CCDC39: variants seen among roughly 807,000 people sequenced by gnomAD.
CCDC39 encodes coiled-coil domain-containing protein 39.
A neutral mutation model predicts 121.0 loss-of-function variants in CCDC39; 113 were observed. The ratio of observed to expected loss-of-function variants is 0.93; its 90% CI spans 0.80 to 1.09. CCDC39 has a LOEUF of 1.09. Among genes scored for constraint, CCDC39 ranks in the 50% least tolerant of loss-of-function variants. The probability of loss-of-function intolerance (pLI) is 0.00; values close to 1 mark genes in which losing one functional copy is unlikely to be tolerated. For missense variants in CCDC39, 1,063 were observed against 1,074.7 expected, an observed-to-expected ratio of 0.99 and a Z score of 0.15; for synonymous variants, 349 against 352.2, an observed-to-expected ratio of 0.99 and a Z score of 0.10.
At chr3:180,661,543 T>A (rs551696788) in intron 3 of CCDC39, among the ~76,000 whole-genome samples, 1 of 152,222 alleles carries the variant, frequency 6.6e-6, no homozygotes, top group South Asian at 2.1e-4. Flanking sequence ...AAGTATTTTT[T>A]AAAATGTGGC....
At chr3:180,649,568 A>C (rs1020632185) in intron 9 of CCDC39, among the ~76,000 whole-genome samples, 2 of 152,192 alleles carry the variant, frequency 1.3e-5, no homozygotes, top group African/African-American at 4.8e-5. Flanking sequence ...ATCTTCTCAA[A>C]GATTGCCTGG....
In CCDC39 at chr3:180,679,314, C is replaced by G; in HGVS notation, c.67G>C (p.Glu23Gln). ...DGFAIPVANEENKLLEDQLSK... is the reference protein window; with the variant it reads ...DGFAIPVANEQNKLLEDQLSK... ...ACCTGATCTTCCAGTAGCTTGTTCT[C>G]CTCGTTCGCCACCGGGATGGCGAAC... Residue 23 changes from glutamate to glutamine, a missense_variant, in exon 1 of 20, where the codon GAG becomes CAG. Transcript: ENST00000476379. This position sits in a 1 kb window ranked among gnomAD's most constrained non-coding sequence, Gnocchi z 4.0. The G allele has an allele frequency of 2.5e-6, 4 of 1,613,890 alleles. No individual in the cohort carries two copies. Among genetic ancestry groups the G allele is most frequent in the Non-Finnish European group, 3.4e-6 (4 of 1,179,776 alleles).
intron 19 of CCDC39, among the ~76,000 whole-genome samples, chr3:180,615,895 A>G (rs745323055): frequency 6.6e-6 from 1 of 152,226 alleles, no homozygotes; most frequent in Non-Finnish European, 1.5e-5. Flanking sequence ...GAATCACAAA[A>G]ATCATATTCT....
chr3:180,616,549 C>T lies in CCDC39; in HGVS notation c.2553G>A (p.Glu851=), dbSNP rs371713454. ...AGTATGTTTGAAGGATAATACGGAT[C>T]TCAGTATTTTCTTCTATGATATCAA... The part of the protein sequence containing the change: ...MLVDIIEENT[E]IRIILQTYFQ... Residue 851 remains glutamate (E), a synonymous_variant, in exon 18 of 20, where the codon GAG becomes GAA. Coordinates refer to ENST00000476379, the MANE Select transcript of CCDC39 (RefSeq NM_181426.2). 3.1e-6 allele frequency: 5 copies of T among 1,588,334 alleles called. No homozygotes were observed. The Admixed American group carries it at 7.1e-5, about 22-fold the overall frequency.
intron 13 of CCDC39, among the ~76,000 whole-genome samples, chr3:180,631,987 G>C (rs1717707956): frequency 1.3e-5 from 2 of 152,166 alleles, no homozygotes; most frequent in Admixed American, 1.3e-4. Flanking sequence ...TAAGATTCCT[G>C]TTTGACTGGC....
At chr3:180,662,359 A>T (rs1483295391) in intron 2 of CCDC39, among the ~76,000 whole-genome samples, 1 of 152,100 alleles carries the variant, frequency 6.6e-6, no homozygotes, top group Admixed American at 6.5e-5. Flanking sequence ...GAGAAATGAC[A>T]TGTTTTATAT....
chr3:180,675,459 G>GT (rs1462320341), intron 1 of CCDC39, among the ~76,000 whole-genome samples: 1 of 152,194 alleles, frequency 6.6e-6, no homozygotes, highest in African/African-American at 2.4e-5. Flanking sequence ...TTTTTGAAGG[G>GT]TTTTTTGTGT....
In CCDC39 at chr3:180,644,230, G is replaced by T. The variant is rs374289303; in HGVS notation, c.1555C>A (p.His519Asn). Residue 519 changes from histidine to asparagine, a missense_variant, in exon 12 of 20, where the codon CAT (histidine) becomes AAT (asparagine). His to Asn is a moderately conservative substitution (Grantham distance 68). Coordinates refer to ENST00000476379, the MANE Select transcript of CCDC39 (RefSeq NM_181426.2). ...HNDLYFIKKA[H>N]SKNSDEKQSL... ...TGTTTTTCATCACTGTTTTTACTAT[G>T]TGCCTTCTTGATAAAATAAAGATCA... 2.8e-4 allele frequency: 422 copies of T among 1,529,164 alleles called. No individual in the cohort carries two copies. Among genetic ancestry groups the T allele is most frequent in the Admixed American group, 3.4e-4 (16 of 47,452 alleles). 94.7% of individuals were successfully genotyped at this position (1,529,164 alleles called of 1,614,324 possible).
At chr3:180,626,462 G>T (rs1209425888) in intron 14 of CCDC39, among the ~76,000 whole-genome samples, 3 of 152,066 alleles carry the variant, frequency 2.0e-5, no homozygotes, top group Non-Finnish European at 2.9e-5. Context: ...CACCAGGGAG[G>T]GTGCAACCTT....
intron 14 of CCDC39, among the ~76,000 whole-genome samples, chr3:180,629,442 A>G (rs1361840235): frequency 6.6e-6 from 1 of 152,218 alleles, no homozygotes; most frequent in Non-Finnish European, 1.5e-5. Flanking sequence ...GTTGTAAAAT[A>G]AACTAGTCAA....
intron 6 of CCDC39, among the ~76,000 whole-genome samples, chr3:180,659,204 C>A (rs1484551889): frequency 4.6e-5 from 7 of 152,188 alleles, no homozygotes; most frequent in Admixed American, 3.9e-4. Context: ...TATCTACTGA[C>A]TCTTTCTTGT....
intron 14 of CCDC39, among the ~76,000 whole-genome samples, chr3:180,625,377 G>T (rs1170910077): frequency 4.8e-5 from 7 of 145,578 alleles, no homozygotes; most frequent in South Asian, 2.2e-4. Context: ...ATATCTCCTT[G>T]GTGAATTTTT....
At chr3:180,662,033 AG>A in intron 2 of CCDC39, 26 bp from the exon 3 acceptor site, 1 of 1,515,084 alleles carries the variant, frequency 6.6e-7, no homozygotes, top group South Asian at 1.3e-5. Context: ...CAAGATAAAA[AG>A]GCTTTTAAAA....
Position 180,644,240 on chromosome 3 carries a change from G to T in CCDC39, c.1545C>A (p.Ile515=). 6.6e-7 allele frequency: 1 copy of T among 1,521,418 alleles called. No individual in the cohort carries two copies. The highest frequency in any genetic ancestry group is 1.3e-5 in the South Asian group (1 of 77,536). 94.2% of individuals were successfully genotyped at this position (1,521,418 alleles called of 1,614,324 possible). A position where few individuals can be genotyped will look rare whatever the true frequency, so the allele number is the denominator to read the frequency against. The change falls in exon 12 of 20, where the codon ATC becomes ATA. Residue 515 remains isoleucine (I), a synonymous_variant. Transcript: ENST00000476379. The part of the protein sequence containing the change: ...IKKLHNDLYF[I]KKAHSKNSDE... ...CACTGTTTTTACTATGTGCCTTCTTGATAAAATAAAGATCATTCTGCAAAA... is the reference window on the plus strand; with the variant it reads ...CACTGTTTTTACTATGTGCCTTCTTTATAAAATAAAGATCATTCTGCAAAA...
At chr3:180,670,639 C>CTTTTTTTTTTTTTTTTTCTTT in intron 1 of CCDC39, among the ~76,000 whole-genome samples, 1 of 120,430 alleles carries the variant, frequency 8.3e-6, no homozygotes, top group Non-Finnish European at 1.8e-5. Flanking sequence ...TTTTTTTTCT[C>CTTTTTTTTTTTTTTTTTCTTT]TTTTTTTTTT....
intron 13 of CCDC39, among the ~76,000 whole-genome samples, chr3:180,635,208 C>T (rs958107050): frequency 2.0e-5 from 3 of 152,162 alleles, no homozygotes; most frequent in African/African-American, 7.2e-5. Context: ...GGGAAACCAC[C>T]ACCAACATCC....
At chr3:180,637,407 CAAATAAAATA>C (rs779724238) in intron 13 of CCDC39, among the ~76,000 whole-genome samples, 1 of 151,642 alleles carries the variant, frequency 6.6e-6, no homozygotes, top group Non-Finnish European at 1.5e-5. Flanking sequence ...CCATTAAAGT[CAAATAAAATA>C]AAATAAAATA....
At chr3:180,635,453 C>T (rs1717802625) in intron 13 of CCDC39, among the ~76,000 whole-genome samples, 1 of 152,140 alleles carries the variant, frequency 6.6e-6, no homozygotes, top group African/African-American at 2.4e-5. Context: ...TCCCTTCCGC[C>T]TATGAGCCTG....
intron 8 of CCDC39, 21 bp downstream of exon 8, chr3:180,652,142 T>C (rs1711502571): frequency 1.7e-6 from 2 of 1,198,416 alleles, no homozygotes; most frequent in African/African-American, 3.1e-5. Flanking sequence ...CATAAACATA[T>C]TTAGATAGTT....
Sources: gnomAD v4.1 joint callset for allele counts (sites outside exome capture counted in the v4.1 genomes callset) on GRCh38, gnomAD v4.1.1 for gene constraint, Gnocchi (gnomAD v3.1) non-coding constraint, MANE v1.5 for transcripts, NCBI Gene and HGNC (gene_info 2026-07-23, HGNC 2026-07-21) for gene names.